Variants in MSL2 observed in about 807,000 individuals in gnomAD.
MSL2 encodes the protein E3 ubiquitin-protein ligase MSL2.
A neutral mutation model predicts 35.8 loss-of-function variants in MSL2; 2 were observed. The observed-to-expected ratio is 0.06, with a 90% CI of 0.02 to 0.18. The LOEUF (loss-of-function observed/expected upper bound fraction) is 0.18. MSL2 is among the 10% of genes least tolerant of loss of function. MSL2 has a pLI of 1.00. For synonymous variants in MSL2, 296 were observed against 255.7 expected, an observed-to-expected ratio of 1.16 and a Z score of -1.50; for missense variants, 523 against 706.7, an observed-to-expected ratio of 0.74 and a Z score of 2.95.
In MSL2 at chr3:136,195,490, G is replaced by A. The variant is rs907831715; in HGVS notation, c.-377C>T. The A allele has an allele frequency of 9.8e-7, 1 of 1,015,696 alleles. No individual in the cohort carries two copies. Among genetic ancestry groups the A allele is most frequent in the African/African-American group, 1.7e-5 (1 of 57,784 alleles). The allele number at this position is 1,015,696 out of a possible 1,614,324, so 62.9% of individuals were successfully genotyped here. On this transcript the variant is annotated 5_prime_UTR_variant, in exon 1 of 2. Transcript: ENST00000309993. ...TCGAGCTCCATCTCCGGACACGGAG[G>A]CGCCTCCTCAAGTCGAGCTGGCAGG...
chr3:136,162,752 ATAAAG>A (rs970134907), intron 1 of MSL2, among the ~76,000 whole-genome samples: 28 of 152,348 alleles, frequency 1.8e-4, no homozygotes, highest in South Asian at 8.3e-4. Context: ...GAAAACCAAA[ATAAAG>A]TAACCATAAT....
At chr3:136,169,802 G>A (rs1036113754) in intron 1 of MSL2, among the ~76,000 whole-genome samples, 4 of 151,578 alleles carry the variant, frequency 2.6e-5, no homozygotes, top group African/African-American at 7.3e-5. Flanking sequence ...GGCCAGGCAC[G>A]CTCCAGCACT....
rs190387927 is a variant in MSL2 at position 136,192,466 on chromosome 3, C to T, written c.142+2506G>A. Among the ~76,000 whole-genome samples, 29 of 152,054 alleles carry T rather than the reference C, an allele frequency of 1.9e-4. No homozygotes were observed. The East Asian group carries it at 2.9e-3, about 15-fold the overall frequency. On this transcript the variant is annotated intron_variant, in intron 1 of 1. Coordinates refer to ENST00000309993, the MANE Select transcript of MSL2 (RefSeq NM_018133.4). ...AGTGCTGGGATTACAGGCACCTGGC[C>T]AGAAGTAACTTTTTGCTGCAGTGAG...
chr3:136,170,535 G>C (rs1939996845), intron 1 of MSL2, among the ~76,000 whole-genome samples: 1 of 90,600 alleles, frequency 1.1e-5, no homozygotes, highest in South Asian at 4.1e-4. Flanking sequence ...TTTTTTTTGA[G>C]ATGGGAGTCT....
intron 1 of MSL2, among the ~76,000 whole-genome samples, chr3:136,172,706 A>G (rs939498759): frequency 6.6e-6 from 1 of 152,074 alleles, no homozygotes; most frequent in Non-Finnish European, 1.5e-5. Context: ...ATCCTTAGTA[A>G]TCCTTACTGA....
chr3:136,155,292 G>C (rs146458845), intron 1 of MSL2, among the ~76,000 whole-genome samples: 1 of 151,514 alleles, frequency 6.6e-6, no homozygotes, highest in Admixed American at 6.6e-5. Flanking sequence ...ATCACCTGAC[G>C]TCAGGAGTTC....
At position 136,195,146 on chromosome 3, in the gene MSL2, G is replaced by A. The variant is rs377312944; in HGVS notation, c.-33C>T. ...ACTTCGACACCAATGGCTCCCGGTT[G>A]AAAAGAAATTCCGGATCCAACTTAG... is the stretch of plus-strand genomic sequence containing the variant. On this transcript the variant is annotated 5_prime_UTR_variant, in exon 1 of 2. Coordinates refer to ENST00000309993, the MANE Select transcript of MSL2 (RefSeq NM_018133.4). 276 of 1,567,894 alleles carry A rather than the reference G, an allele frequency of 1.8e-4. No homozygotes were observed. The highest frequency in any genetic ancestry group is 1.0e-3 in the Middle Eastern group (6 of 5,814).
intron 1 of MSL2, among the ~76,000 whole-genome samples, chr3:136,159,228 C>G (rs1939625569): frequency 6.6e-6 from 1 of 151,404 alleles, no homozygotes; most frequent in Non-Finnish European, 1.5e-5. Flanking sequence ...GTGGTAATGA[C>G]AAAAGTATAG....
Position 136,195,817 on chromosome 3 carries a change from A to T in MSL2, c.-704T>A. On this transcript the variant is annotated 5_prime_UTR_variant, in exon 1 of 2. The change creates a new upstream start codon in the 5' untranslated region. Transcript: ENST00000309993. Reference sequence around the variant, plus strand: ...GTGGCGAGGCGGGCGGGAGTCCTCAACCCGGAGGGGAAGGCCGGGGAGGAA... The same window carrying T: ...GTGGCGAGGCGGGCGGGAGTCCTCATCCCGGAGGGGAAGGCCGGGGAGGAA... 1.0e-6 allele frequency: 1 copy of T among 983,036 alleles called. No homozygotes were observed. The highest frequency in any genetic ancestry group is 1.2e-6 in the Non-Finnish European group (1 of 828,924). 60.9% of individuals were successfully genotyped at this position (983,036 alleles called of 1,614,324 possible).
intron 1 of MSL2, among the ~76,000 whole-genome samples, chr3:136,166,680 T>C (rs563401742): frequency 6.4e-4 from 98 of 152,274 alleles, no homozygotes; most frequent in African/African-American, 2.2e-3. Flanking sequence ...CAGCATAAGT[T>C]TGAGAGGCAA....
At chr3:136,159,352 T>C (rs576119662) in intron 1 of MSL2, among the ~76,000 whole-genome samples, 2 of 142,282 alleles carry the variant, frequency 1.4e-5, no homozygotes, top group Non-Finnish European at 3.0e-5. Context: ...GGAGAGTACT[T>C]TCTTTTTTTT....
At position 136,161,415 on chromosome 3, in the gene MSL2, G is replaced by A. The variant is rs559615045; in HGVS notation, c.143-8677C>T. 1.1e-4 allele frequency among the ~76,000 whole-genome samples: 17 copies of A among 152,312 alleles called. No homozygotes were observed. In the South Asian group the frequency reaches 3.5e-3, roughly 32 times the overall value. On this transcript the variant is annotated intron_variant, in intron 1 of 1. Coordinates refer to ENST00000309993, the MANE Select transcript of MSL2 (RefSeq NM_018133.4). The stretch of plus-strand genomic sequence containing the variant: ...CATATCCACACAGAAAAACGTATGT[G>A]AATGTGCACAGCAGCATGATTCCTA...
At chr3:136,162,770 TA>T (rs1167122813) in intron 1 of MSL2, among the ~76,000 whole-genome samples, 3 of 152,186 alleles carry the variant, frequency 2.0e-5, no homozygotes, top group African/African-American at 7.2e-5. Flanking sequence ...ACCATAATTT[TA>T]TATCAAATTG....
intron 1 of MSL2, among the ~76,000 whole-genome samples, chr3:136,179,149 C>T (rs181506040): frequency 6.6e-6 from 1 of 152,006 alleles, no homozygotes; most frequent in East Asian, 1.9e-4. Context: ...TGGTCATAAA[C>T]CTTGTGTTCA....
chr3:136,179,670 C>T (rs1223645078), intron 1 of MSL2, among the ~76,000 whole-genome samples: 1 of 152,164 alleles, frequency 6.6e-6, no homozygotes, highest in Non-Finnish European at 1.5e-5. Context: ...TTTTAATCAG[C>T]ATATTAGGCA....
At chr3:136,180,233 G>A (rs1423940496) in intron 1 of MSL2, among the ~76,000 whole-genome samples, 1 of 151,874 alleles carries the variant, frequency 6.6e-6, no homozygotes, top group African/African-American at 2.4e-5. Context: ...AACAATTTTT[G>A]TATTTTGTTA....
chr3:136,194,446 C>T (rs1228607603), intron 1 of MSL2: 3 of 985,406 alleles, frequency 3.0e-6, no homozygotes, highest in Non-Finnish European at 3.6e-6. Context: ...CGCTGTTAAC[C>T]GTCAAACCGT....
At chr3:136,170,860 A>G (rs956102350) in intron 1 of MSL2, among the ~76,000 whole-genome samples, 1 of 152,108 alleles carries the variant, frequency 6.6e-6, no homozygotes, top group Admixed American at 6.6e-5. Context: ...CCTGATCTCA[A>G]ACTGGCAGGG....
chr3:136,170,508 CTTTTT>C (rs71157363), intron 1 of MSL2, among the ~76,000 whole-genome samples: 20 of 81,650 alleles, frequency 2.4e-4, no homozygotes, highest in African/African-American at 8.5e-4. Context: ...AAACTCTGTC[CTTTTT>C]TTTTTTTTTT....
Sources: gnomAD v4.1 joint callset for allele counts (sites outside exome capture counted in the v4.1 genomes callset) on GRCh38, gnomAD v4.1.1 for gene constraint, MANE v1.5 for transcripts, NCBI Gene and HGNC (gene_info 2026-07-23, HGNC 2026-07-21) for gene names.